The following NTN1 variants were observed in gnomAD, a reference collection of about 807,000 sequenced individuals.
NTN1 encodes the protein netrin 1, also known as netrin-1.
Under a neutral mutation model 54.2 loss-of-function variants are expected in NTN1, and 11 were observed. The observed-to-expected ratio is 0.20, with a 90% CI of 0.13 to 0.34. The LOEUF (loss-of-function observed/expected upper bound fraction) is 0.34. Among genes scored for constraint, NTN1 ranks in the 10% least tolerant of loss-of-function variants. The probability of loss-of-function intolerance (pLI) is 1.00; values close to 1 mark genes in which losing one functional copy is unlikely to be tolerated. For missense variants in NTN1, 740 were observed against 893.1 expected (o/e 0.83, Z 2.18); for synonymous variants, 371 against 382.0 (o/e 0.97, Z 0.33).
At chr17:9,194,616 T>C (rs8081873) in intron 5 of NTN1, among the ~76,000 whole-genome samples, 2 of 151,976 alleles carry the variant, frequency 1.3e-5, no homozygotes, top group Non-Finnish European at 2.9e-5. Flanking sequence ...CTCTTCCTAC[T>C]GGATGCCAGC....
chr17:9,239,632 C>T lies in NTN1; in HGVS notation c.1487-8C>T. 9 of 1,601,248 alleles carry T rather than the reference C, an allele frequency of 5.6e-6. No homozygotes were observed. The highest frequency in any genetic ancestry group is 7.7e-6 in the Non-Finnish European group (9 of 1,169,408). ...GGAGCCCACCCGTCTGCCTGTGCTTCCTTGCAGCCGTCCAGATCCACATCC... is the reference window on the plus strand; with the variant it reads ...GGAGCCCACCCGTCTGCCTGTGCTTTCTTGCAGCCGTCCAGATCCACATCC... On this transcript the variant is annotated splice_polypyrimidine_tract_variant and splice_region_variant and intron_variant, in intron 6 of 6. Coordinates refer to ENST00000173229, the MANE Select transcript of NTN1 (RefSeq NM_004822.3). This position sits in a 1 kb window ranked among gnomAD's most constrained non-coding sequence, Gnocchi z 5.2.
At chr17:9,065,864 A>G (rs1457479199) in intron 2 of NTN1, among the ~76,000 whole-genome samples, 1 of 152,236 alleles carries the variant, frequency 6.6e-6, no homozygotes, top group Non-Finnish European at 1.5e-5. Flanking sequence ...ATTATCATTA[A>G]CAGAGTTGAC....
intron 2 of NTN1, among the ~76,000 whole-genome samples, chr17:9,102,308 T>G (rs952524191): frequency 2.2e-5 from 3 of 137,310 alleles, no homozygotes; most frequent in African/African-American, 8.1e-5. Flanking sequence ...CTTACAATCA[T>G]GGCAGAAGGG....
rs1389219657 is a variant in NTN1, at chr17:9,242,410, TTC to T, written c.*2444_*2445del. 1 of 152,298 alleles carries T rather than the reference TTC, an allele frequency of 6.6e-6. No homozygotes were observed. Among genetic ancestry groups the T allele is most frequent in the African/African-American group, 2.4e-5 (1 of 41,452 alleles). The allele number at this position is 152,298 out of a possible 1,614,324, so 9.4% of individuals were successfully genotyped here. On this transcript the variant is annotated 3_prime_UTR_variant, in exon 7 of 7. Coordinates refer to ENST00000173229, the MANE Select transcript of NTN1 (RefSeq NM_004822.3). ...TACGCTGCTGGGGCGGTTGTCCTAT[TTC>T]TGTCTATGCCAGTGTGGTTTCTTCA...
chr17:9,032,106 A>C (rs1309637582), intron 2 of NTN1, among the ~76,000 whole-genome samples: 1 of 152,200 alleles, frequency 6.6e-6, no homozygotes, highest in African/African-American at 2.4e-5. Flanking sequence ...GAACAGGGAT[A>C]GGCGCCCCCA....
intron 2 of NTN1, among the ~76,000 whole-genome samples, chr17:9,153,121 G>A (rs2092332290): frequency 6.6e-6 from 1 of 152,052 alleles, no homozygotes; most frequent in African/African-American, 2.4e-5. Flanking sequence ...ATACAAAAAT[G>A]AGCCAGGTGT....
intron 3 of NTN1, chr17:9,176,359 GTC>G (rs2092400162): frequency 1.3e-5 from 2 of 152,408 alleles, no homozygotes; most frequent in South Asian, 2.1e-4. Flanking sequence ...ATATGTGTGA[GTC>G]TCTGTGTGTT....
In NTN1 at chr17:9,165,437, T is replaced by A. The variant is rs1324765332; in HGVS notation, c.1207+2436T>A. Among the ~76,000 whole-genome samples the A allele has an allele frequency of 6.6e-6, 1 of 152,180 alleles. No individual in the cohort carries two copies. The highest frequency in any genetic ancestry group is 2.4e-5 in the African/African-American group (1 of 41,446). ...TTTACTGGTTTGTAGGAGGGCCAGA[T>A]GCAAATAAATGAGGATGTGTTCTTG... is the stretch of plus-strand genomic sequence containing the variant. On this transcript the variant is annotated intron_variant, in intron 3 of 6. Transcript: ENST00000173229. The surrounding 1 kb of genome is among the most constrained non-coding windows in gnomAD (Gnocchi z 4.5).
At chr17:9,203,028 T>G (rs192944586) in intron 5 of NTN1, among the ~76,000 whole-genome samples, 1 of 152,276 alleles carries the variant, frequency 6.6e-6, no homozygotes, top group African/African-American at 2.4e-5. Flanking sequence ...TTCACACCAT[T>G]CTCCTGCCTC....
intron 2 of NTN1, among the ~76,000 whole-genome samples, chr17:9,137,317 C>T (rs924527203): frequency 5.3e-5 from 8 of 152,104 alleles, no homozygotes; most frequent in South Asian, 2.1e-4. Context: ...AGTAATGATG[C>T]GAAGCTGGTG....
intron 2 of NTN1, among the ~76,000 whole-genome samples, chr17:9,143,022 G>C (rs1273103011): frequency 6.6e-6 from 1 of 152,200 alleles, no homozygotes; most frequent in African/African-American, 2.4e-5. Context: ...GGCATGGTCA[G>C]GGCAGGCCTC....
intron 2 of NTN1, among the ~76,000 whole-genome samples, chr17:9,076,731 A>G (rs1020304769): frequency 3.3e-5 from 5 of 152,250 alleles, no homozygotes; most frequent in African/African-American, 1.2e-4. Context: ...ATGTCTAACA[A>G]TTAGAATTCA....
At chr17:9,116,249 G>A (rs1477349576) in intron 2 of NTN1, among the ~76,000 whole-genome samples, 1 of 152,218 alleles carries the variant, frequency 6.6e-6, no homozygotes, top group East Asian at 1.9e-4. Flanking sequence ...GCGGCATGGT[G>A]GGGTAGGCAG....
chr17:9,104,252 G>A (rs1270624375), intron 2 of NTN1, among the ~76,000 whole-genome samples: 1 of 152,052 alleles, frequency 6.6e-6, no homozygotes, highest in Non-Finnish European at 1.5e-5. Flanking sequence ...GTTTCAATTT[G>A]GGAAGATGAA....
chr17:9,101,639 A>T (rs2142242411), intron 2 of NTN1, among the ~76,000 whole-genome samples: 1 of 152,356 alleles, frequency 6.6e-6, no homozygotes, highest in East Asian at 1.9e-4. Flanking sequence ...TATACAACAC[A>T]GCACAAGCCA....
intron 2 of NTN1, among the ~76,000 whole-genome samples, chr17:9,068,595 G>C (rs2092023024): frequency 1.3e-5 from 2 of 150,838 alleles, no homozygotes; most frequent in African/African-American, 4.9e-5. Flanking sequence ...CACAACCTCT[G>C]CCCTCTGGGT....
chr17:9,037,010 G>C (rs1242917667), intron 2 of NTN1, among the ~76,000 whole-genome samples: 1 of 152,088 alleles, frequency 6.6e-6, no homozygotes, highest in African/African-American at 2.4e-5. Flanking sequence ...TTCGCTAGCT[G>C]GTCTTCTCTC....
rs1906313696 is a variant in NTN1 at position 9,243,793 on chromosome 17, CCTTTCCAATGCATA to C, written c.*3828_*3841del. ...ATGACGTATTGTTTGGGTCAATGTC[CCTTTCCAATGCATA>C]CTAATATATTATGGTTATTATATAT... On this transcript the variant is annotated 3_prime_UTR_variant, in exon 7 of 7. Coordinates refer to ENST00000173229, the MANE Select transcript of NTN1 (RefSeq NM_004822.3). The C allele has an allele frequency of 1.3e-5, 2 of 151,134 alleles. No individual in the cohort carries two copies. The highest frequency in any genetic ancestry group is 1.3e-4 in the Admixed American group (2 of 15,124). 9.4% of individuals were successfully genotyped at this position (151,134 alleles called of 1,614,324 possible). A position where few individuals can be genotyped will look rare whatever the true frequency, so the allele number is the denominator to read the frequency against.
chr17:9,006,191 G>C, the NTN1 span, among the ~76,000 whole-genome samples: 389 of 151,422 alleles, frequency 2.6e-3, 2 homozygotes, highest in African/African-American at 7.6e-3. Context: ...GTGGGTAGTG[G>C]GGGGGACAAG....
Sources: allele counts gnomAD v4.1 joint callset (sites outside exome capture counted in the v4.1 genomes callset), GRCh38; gene constraint gnomAD v4.1.1; non-coding constraint Gnocchi (gnomAD v3.1); transcripts MANE v1.5; gene names NCBI Gene and HGNC (gene_info 2026-07-23, HGNC 2026-07-21).